Variants in SUPT3H observed in about 807,000 individuals in gnomAD.
The protein encoded by SUPT3H is transcription initiation protein SPT3 homolog.
A neutral mutation model predicts 44.3 loss-of-function variants in SUPT3H; 44 were observed. That is an observed-to-expected ratio of 0.99 (90% CI 0.78 to 1.28). SUPT3H has a LOEUF of 1.28. Among genes scored for constraint, SUPT3H ranks in the 50% most tolerant of loss-of-function variants. The pLI is 0.00. For missense variants in SUPT3H, 380 were observed against 387.1 expected, an observed-to-expected ratio of 0.98 and a Z score of 0.15; for synonymous variants, 124 against 125.6, an observed-to-expected ratio of 0.99 and a Z score of 0.09.
At chr6:44,933,572 G>A (rs930737401) in intron 9 of SUPT3H, among the ~76,000 whole-genome samples, 2 of 152,188 alleles carry the variant, frequency 1.3e-5, no homozygotes, top group Non-Finnish European at 2.9e-5. Flanking sequence ...ATAATTGCTT[G>A]TAGGACTGTT....
At chr6:45,160,941 T>C (rs1808851529) in intron 2 of SUPT3H, among the ~76,000 whole-genome samples, 1 of 152,090 alleles carries the variant, frequency 6.6e-6, no homozygotes, top group African/African-American at 2.4e-5. Context: ...AGTGTGGGCC[T>C]AGTGGGAGGT....
intron 11 of SUPT3H, among the ~76,000 whole-genome samples, chr6:44,811,481 A>G (rs1766518368): frequency 6.6e-6 from 1 of 152,218 alleles, no homozygotes; most frequent in African/African-American, 2.4e-5. Flanking sequence ...GTAGTGTGCC[A>G]ACTTGGTGAA....
intron 3 of SUPT3H, among the ~76,000 whole-genome samples, chr6:45,044,597 A>G (rs572337987): frequency 1.3e-5 from 2 of 152,200 alleles, no homozygotes; most frequent in African/African-American, 2.4e-5. Flanking sequence ...CTATACCAGG[A>G]ATTTAATTAT....
At chr6:45,142,733 T>C (rs1225338100) in intron 2 of SUPT3H, among the ~76,000 whole-genome samples, 4 of 14,478 alleles carry the variant, frequency 2.8e-4, no homozygotes, top group African/African-American at 1.2e-3. Flanking sequence ...CTAAACTCCG[T>C]CTCAAAAAAA....
At chr6:45,197,634 C>T in intron 2 of SUPT3H, 1 of 346,668 alleles carries the variant, frequency 2.9e-6, no homozygotes, top group Non-Finnish European at 5.7e-6. Flanking sequence ...GTGGTATTTG[C>T]AGAAAAAAAT....
intron 2 of SUPT3H, among the ~76,000 whole-genome samples, chr6:45,227,733 A>C (rs1209395328): frequency 6.6e-6 from 1 of 152,130 alleles, no homozygotes; most frequent in African/African-American, 2.4e-5. Context: ...TCAAAGGTAG[A>C]GAATAATAAG....
chr6:45,281,773 AACAG>A (rs1156703228), intron 2 of SUPT3H, among the ~76,000 whole-genome samples: 1 of 152,036 alleles, frequency 6.6e-6, no homozygotes, highest in African/African-American at 2.4e-5. Flanking sequence ...GAGATCTGAG[AACAG>A]ACAGACTGCC....
intron 2 of SUPT3H, among the ~76,000 whole-genome samples, chr6:45,332,154 G>A (rs558846936): frequency 6.5e-4 from 99 of 151,792 alleles, no homozygotes; most frequent in Non-Finnish European, 1.3e-3. Flanking sequence ...CACACTGGTG[G>A]TCCTCAAGTA....
At chr6:44,865,695 T>C (rs1477483677) in intron 10 of SUPT3H, among the ~76,000 whole-genome samples, 1 of 152,202 alleles carries the variant, frequency 6.6e-6, no homozygotes, top group African/African-American at 2.4e-5. Flanking sequence ...GGGTCTCTCC[T>C]ACAATATGTG....
chr6:44,823,325 T>C (rs1487186181), downstream of SUPT3H, among the ~76,000 whole-genome samples: 1 of 152,088 alleles, frequency 6.6e-6, no homozygotes, highest in African/African-American at 2.4e-5. Context: ...AAGGGTGCTA[T>C]GTGCTGAGAC....
chr6:45,177,975 G>A (rs1293084058), intron 2 of SUPT3H, among the ~76,000 whole-genome samples: 5 of 152,148 alleles, frequency 3.3e-5, no homozygotes, highest in African/African-American at 9.7e-5. Context: ...ATGCCAAAAT[G>A]TAAAGACCAT....
intron 10 of SUPT3H, among the ~76,000 whole-genome samples, chr6:44,927,619 G>C (rs991128631): frequency 6.6e-6 from 1 of 151,950 alleles, no homozygotes; most frequent in African/African-American, 2.4e-5. Flanking sequence ...GCAAAAAATC[G>C]GGTGGTAAGT....
At chr6:44,914,328 G>A (rs569584950) in intron 10 of SUPT3H, among the ~76,000 whole-genome samples, 1 of 152,288 alleles carries the variant, frequency 6.6e-6, no homozygotes, top group South Asian at 2.1e-4. Flanking sequence ...GCTGAATGAG[G>A]TGCAGAGTGC....
chr6:44,911,448 C>T (rs560158752), intron 10 of SUPT3H, among the ~76,000 whole-genome samples: 4 of 152,118 alleles, frequency 2.6e-5, no homozygotes, highest in Non-Finnish European at 5.9e-5. Context: ...GCATTACTTA[C>T]GGCATAAAAA....
rs1003418861 is a variant in SUPT3H, at chr6:45,302,901, T to C, written c.101+62300A>G. ...CCATTCTCGCAGGAGTATAGTGGTATTGCATTGGGTTTTGGTTTAAATAGG... is the reference window on the plus strand; with the variant it reads ...CCATTCTCGCAGGAGTATAGTGGTACTGCATTGGGTTTTGGTTTAAATAGG... On this transcript the variant is annotated intron_variant, in intron 2 of 10. Coordinates refer to ENST00000371459, the MANE Select transcript of SUPT3H (RefSeq NM_003599.4). Among the ~76,000 whole-genome samples the C allele has an allele frequency of 5.3e-5, 8 of 152,122 alleles. No individual in the cohort carries two copies. The South Asian group carries it at 6.2e-4, about 12-fold the overall frequency.
intron 6 of SUPT3H, among the ~76,000 whole-genome samples, chr6:44,980,844 A>C (rs1778996173): frequency 6.6e-6 from 1 of 152,220 alleles, no homozygotes; most frequent in South Asian, 2.1e-4. Context: ...TCAGAGGATA[A>C]GGAGAAGGCA....
intron 3 of SUPT3H, among the ~76,000 whole-genome samples, chr6:45,068,883 C>T (rs991421753): frequency 5.3e-5 from 8 of 151,576 alleles, no homozygotes; most frequent in African/African-American, 7.3e-5. Flanking sequence ...GTAGAATGTT[C>T]GTTCCATTGA....
At chr6:45,117,991 C>T (rs1801082316) in intron 2 of SUPT3H, among the ~76,000 whole-genome samples, 1 of 151,898 alleles carries the variant, frequency 6.6e-6, no homozygotes, top group Admixed American at 6.6e-5. Flanking sequence ...TTCTCTAGAA[C>T]ATGGATAAAA....
intron 2 of SUPT3H, among the ~76,000 whole-genome samples, chr6:45,163,689 C>A (rs1809397781): frequency 6.6e-6 from 1 of 151,726 alleles, no homozygotes; most frequent in Non-Finnish European, 1.5e-5. Context: ...CCCTGCTTTT[C>A]ATGTTTATAC....
Sources: gnomAD v4.1 joint callset for allele counts (sites outside exome capture counted in the v4.1 genomes callset) on GRCh38, gnomAD v4.1.1 for gene constraint, MANE v1.5 for transcripts, NCBI Gene and HGNC (gene_info 2026-07-23, HGNC 2026-07-21) for gene names.